ASCC2: variants seen among roughly 807,000 people sequenced by gnomAD.
ASCC2 encodes the protein activating signal cointegrator 1 complex subunit 2, also known as ASC-1 complex subunit P100.
Under a neutral mutation model 93.5 loss-of-function variants are expected in ASCC2, and 42 were observed. The ratio of observed to expected loss-of-function variants is 0.45; its 90% CI spans 0.35 to 0.58. The LOEUF is 0.58. Ranked by LOEUF, ASCC2 falls within the 20% of genes least tolerant of loss-of-function variation. ASCC2 has a pLI of 0.00. For synonymous variants in ASCC2, 364 were observed against 384.2 expected (o/e 0.95, Z 0.62); for missense variants, 859 against 977.6 (o/e 0.88, Z 1.62).
At chr22:29,815,870 C>A in intron 6 of ASCC2, 136 bp downstream of exon 6, 1 of 715,580 alleles carries the variant, frequency 1.4e-6, no homozygotes. Context: ...GACAAAGAGA[C>A]TGTCTGGGGA....
At chr22:29,802,730 C>T (rs2059240749) in intron 13 of ASCC2, among the ~76,000 whole-genome samples, 1 of 151,524 alleles carries the variant, frequency 6.6e-6, no homozygotes, top group Non-Finnish European at 1.5e-5. Flanking sequence ...ACTGCCTGAG[C>T]TCAGGAGTTT....
chr22:29,824,735 A>T (rs1440234719), intron 4 of ASCC2, among the ~76,000 whole-genome samples: 2 of 148,770 alleles, frequency 1.3e-5, no homozygotes, highest in Non-Finnish European at 3.0e-5. Flanking sequence ...TATTATTTTT[A>T]AAGTCAGGAA....
intron 12 of ASCC2, among the ~76,000 whole-genome samples, chr22:29,805,603 G>A (rs1489200842): frequency 3.3e-5 from 5 of 152,110 alleles, no homozygotes; most frequent in South Asian, 4.1e-4. Flanking sequence ...GGCTGTGCAC[G>A]TTGCTGGCCT....
intron 15 of ASCC2, among the ~76,000 whole-genome samples, chr22:29,795,079 T>TA (rs2147449045): frequency 6.6e-6 from 1 of 152,054 alleles, no homozygotes; most frequent in East Asian, 1.9e-4. Context: ...TGCGTGCCAC[T>TA]ATGCCTGGCT....
chr22:29,806,158 C>T, intron 12 of ASCC2, 58 bp downstream of exon 12: 1 of 1,568,694 alleles, frequency 6.4e-7, no homozygotes, highest in Non-Finnish European at 8.8e-7. Context: ...AGCAGCCTGT[C>T]TCACCTCTGA....
intron 12 of ASCC2, 152 bp downstream of exon 12, chr22:29,806,064 G>A (rs1265677797): frequency 3.9e-6 from 3 of 768,494 alleles, no homozygotes; most frequent in Non-Finnish European, 6.6e-6. Context: ...GAAAAGGCAA[G>A]GCTGGGACCT....
chr22:29,813,655 C>T, intron 7 of ASCC2, 113 bp from the exon 8 acceptor site: 1 of 728,952 alleles, frequency 1.4e-6, no homozygotes, highest in African/African-American at 1.8e-5. Context: ...GGATGTTACA[C>T]AGGAGGAAAA....
intron 12 of ASCC2, among the ~76,000 whole-genome samples, chr22:29,805,117 C>A (rs2059531118): frequency 6.6e-6 from 1 of 152,192 alleles, no homozygotes; most frequent in African/African-American, 2.4e-5. Flanking sequence ...GACGAGCCAG[C>A]AGCTCCTCTT....
chr22:29,824,107 T>C (rs1039684179), intron 4 of ASCC2, among the ~76,000 whole-genome samples: 5 of 152,120 alleles, frequency 3.3e-5, no homozygotes, highest in African/African-American at 9.7e-5. Flanking sequence ...GAGGATTCCT[T>C]GAGCTCAGGA....
intron 5 of ASCC2, 48 bp from the exon 6 acceptor site, chr22:29,816,121 G>A (rs1369732765): frequency 6.9e-7 from 1 of 1,449,064 alleles, no homozygotes; most frequent in Non-Finnish European, 9.5e-7. Flanking sequence ...TGGGGGCTCG[G>A]GGCAGTGAAG....
chr22:29,825,800 G>A lies in ASCC2; in HGVS notation c.82-20C>T, dbSNP rs372461235. ...GGGGTGCTACGGATCCAAAAACCAC[G>A]TGTTAACGTGGCAGAGGTTAGTCAG... On this transcript the variant is annotated intron_variant, in intron 2 of 19. Coordinates refer to ENST00000307790, the MANE Select transcript of ASCC2 (RefSeq NM_032204.5). This position sits in a 1 kb window ranked among gnomAD's most constrained non-coding sequence, Gnocchi z 4.9. 2.4e-5 allele frequency: 38 copies of A among 1,592,546 alleles called. No individual in the cohort carries two copies. Among genetic ancestry groups the A allele is most frequent in the African/African-American group, 1.2e-4 (9 of 74,452 alleles).
chr22:29,829,715 G>A (rs1368248825), intron 2 of ASCC2, among the ~76,000 whole-genome samples: 1 of 151,756 alleles, frequency 6.6e-6, no homozygotes, highest in East Asian at 1.9e-4. Context: ...AAAAAAAATG[G>A]TTTTGCCATG....
intron 2 of ASCC2, among the ~76,000 whole-genome samples, chr22:29,831,481 G>T (rs2063138277): frequency 6.6e-6 from 1 of 152,158 alleles, no homozygotes; most frequent in African/African-American, 2.4e-5. Context: ...TAAATGTCAG[G>T]TACTATTATT....
chr22:29,827,545 T>C (rs2062523302), intron 2 of ASCC2: 1 of 470,754 alleles, frequency 2.1e-6, no homozygotes, highest in Non-Finnish European at 4.4e-6. Context: ...CATGTGGGTC[T>C]GCAGGACCCC....
At chr22:29,835,401 A>G (rs2063651187) in intron 1 of ASCC2, among the ~76,000 whole-genome samples, 1 of 151,350 alleles carries the variant, frequency 6.6e-6, no homozygotes, top group Non-Finnish European at 1.5e-5. Flanking sequence ...CTGTCCCAAA[A>G]TTTAAAAAAA....
chr22:29,832,165 T>C, intron 2 of ASCC2, 80 bp downstream of exon 2: 1 of 1,266,468 alleles, frequency 7.9e-7, no homozygotes, highest in Non-Finnish European at 1.1e-6. Context: ...TTGGAACAGA[T>C]AAAGACGGAA....
chr22:29,827,233 T>C (rs1162398819), intron 2 of ASCC2, among the ~76,000 whole-genome samples: 3 of 152,042 alleles, frequency 2.0e-5, no homozygotes, highest in Admixed American at 6.6e-5. Flanking sequence ...CAGCCCCTAC[T>C]TGCCATGAAC....
At chr22:29,831,586 A>G (rs1278223302) in intron 2 of ASCC2, among the ~76,000 whole-genome samples, 1 of 152,184 alleles carries the variant, frequency 6.6e-6, no homozygotes, top group Non-Finnish European at 1.5e-5. Flanking sequence ...ACCCCTAGAA[A>G]ACACTTCCTC....
Position 29,808,160 on chromosome 22 carries a change from T to G in ASCC2, c.859A>C (p.Ile287Leu). 6.2e-7 allele frequency: 1 copy of G among 1,614,246 alleles called. No homozygotes were observed. Among genetic ancestry groups the G allele is most frequent in the Non-Finnish European group, 8.5e-7 (1 of 1,180,046 alleles). Reference sequence around the variant, plus strand: ...TTAATTGCAGACTCCATTTCGGGAATTGCTGCTTCGTAGAAGGAAGCTAGT... The same window carrying G: ...TTAATTGCAGACTCCATTTCGGGAAGTGCTGCTTCGTAGAAGGAAGCTAGT... ...YRLASFYEAAIPEMESAIKKR... is the reference protein window; with the variant it reads ...YRLASFYEAALPEMESAIKKR... The change falls in exon 9 of 20, where the codon ATT becomes CTT. Residue 287 changes from isoleucine (I) to leucine (L), a missense_variant. By Grantham distance (5) the Ile-to-Leu change is conservative. Transcript: ENST00000307790.
Sources: allele counts gnomAD v4.1 joint callset (sites outside exome capture counted in the v4.1 genomes callset), GRCh38; gene constraint gnomAD v4.1.1; non-coding constraint Gnocchi (gnomAD v3.1); transcripts MANE v1.5; gene names NCBI Gene and HGNC (gene_info 2026-07-23, HGNC 2026-07-21).